The following PPM1B variants were observed in gnomAD, a reference collection of about 807,000 sequenced individuals.
The protein encoded by PPM1B is protein phosphatase 1B.
Under a neutral mutation model 43.0 loss-of-function variants are expected in PPM1B, and 22 were observed. The observed-to-expected ratio is 0.51, with a 90% CI of 0.37 to 0.73. PPM1B has a LOEUF of 0.73. Ranked by LOEUF, PPM1B falls within the 30% of genes least tolerant of loss-of-function variation. The pLI, the probability that PPM1B is intolerant of heterozygous loss-of-function variation, is 0.00. For synonymous variants in PPM1B, 217 were observed against 197.9 expected, an observed-to-expected ratio of 1.10 and a Z score of -0.81; for missense variants, 632 against 584.2, an observed-to-expected ratio of 1.08 and a Z score of -0.84.
chr2:44,206,311 C>G (rs1669186362), intron 2 of PPM1B, among the ~76,000 whole-genome samples: 1 of 152,118 alleles, frequency 6.6e-6, no homozygotes, highest in Non-Finnish European at 1.5e-5. Flanking sequence ...AACAATGGCA[C>G]AAAGGAAAGG....
intron 5 of PPM1B, among the ~76,000 whole-genome samples, chr2:44,228,136 C>G (rs1670305175): frequency 6.7e-6 from 1 of 148,890 alleles, no homozygotes; most frequent in Non-Finnish European, 1.5e-5. Flanking sequence ...CTTGGCCAGG[C>G]TGGTCTTGAA....
At chr2:44,223,903 A>C (rs1181433471) in intron 5 of PPM1B, among the ~76,000 whole-genome samples, 1 of 151,790 alleles carries the variant, frequency 6.6e-6, no homozygotes, top group East Asian at 1.9e-4. Context: ...TATGATTGAC[A>C]TAACACTTAC....
chr2:44,170,722 G>A (rs1029198025), intron 1 of PPM1B, among the ~76,000 whole-genome samples: 1 of 152,218 alleles, frequency 6.6e-6, no homozygotes, highest in Non-Finnish European at 1.5e-5. Context: ...AGTGAGACAA[G>A]TTATTCTAAT....
chr2:44,233,000 C>G (rs1000803456), downstream of PPM1B: 1 of 980,278 alleles, frequency 1.0e-6, no homozygotes, highest in African/African-American at 1.8e-5. Context: ...CATGTATCTA[C>G]TGCATCCTTC....
chr2:44,193,652 T>G (rs2104086666), intron 1 of PPM1B, among the ~76,000 whole-genome samples: 1 of 146,820 alleles, frequency 6.8e-6, no homozygotes, highest in South Asian at 2.2e-4. Flanking sequence ...CGATCTCAGC[T>G]CACTGTAACC....
intron 2 of PPM1B, among the ~76,000 whole-genome samples, chr2:44,202,574 A>G (rs1476264882): frequency 6.6e-6 from 1 of 150,702 alleles, no homozygotes; most frequent in East Asian, 1.9e-4. Context: ...ATCTGGCAAT[A>G]CAATCTAAAA....
downstream of PPM1B, chr2:44,232,405 A>T: frequency 1.9e-6 from 3 of 1,594,922 alleles, no homozygotes; most frequent in Non-Finnish European, 2.6e-6. Flanking sequence ...ACTTTTAATC[A>T]CAATTTTCTT....
At chr2:44,197,639 A>G (rs1204184866) in intron 1 of PPM1B, among the ~76,000 whole-genome samples, 1 of 152,156 alleles carries the variant, frequency 6.6e-6, no homozygotes, top group Non-Finnish European at 1.5e-5. Flanking sequence ...AAGGAAGAAA[A>G]AAGCTTGCGA....
At position 44,230,708 on chromosome 2, in the gene PPM1B, A is replaced by G; in HGVS notation, c.1430A>G (p.Glu477Gly). ...NEDAGTKMSG[E>G]KI ...GATGCAGGGACAAAGATGAGTGGTG[A>G]AAAAATATGACTTTCCTTTTTGGTA... The change falls in exon 6 of 6, where the codon GAA becomes GGA. Residue 477 changes from glutamate to glycine, a missense_variant. Transcript: ENST00000282412. 1.2e-6 allele frequency: 2 copies of G among 1,605,704 alleles called. No homozygotes were observed. The highest frequency in any genetic ancestry group is 1.7e-6 in the Non-Finnish European group (2 of 1,174,018).
intron 5 of PPM1B, among the ~76,000 whole-genome samples, chr2:44,241,857 C>CTTTTTTTTTTTTTTTTTTTCTTTTTTT (rs397984437): frequency 1.1e-5 from 1 of 90,958 alleles, no homozygotes; most frequent in African/African-American, 4.5e-5. Context: ...AGAAAATAAT[C>CTTTTTTTTTTTTTTTTTTTCTTTTTTT]TTTTTTTTTT....
At chr2:44,232,691 T>A, downstream of PPM1B, 1 of 1,040,186 alleles carries the variant, frequency 9.6e-7, no homozygotes. Context: ...GAAAATACAT[T>A]ATGTTTTTTT....
chr2:44,198,153 T>C (rs1030718273), intron 1 of PPM1B, among the ~76,000 whole-genome samples: 3 of 152,030 alleles, frequency 2.0e-5, no homozygotes, highest in African/African-American at 4.8e-5. Context: ...TCTTGAAGTT[T>C]TATGATTTTT....
At chr2:44,190,226 G>A (rs1311317287) in intron 1 of PPM1B, among the ~76,000 whole-genome samples, 1 of 148,268 alleles carries the variant, frequency 6.7e-6, no homozygotes, top group East Asian at 2.0e-4. Context: ...CCCAATCTCA[G>A]CTCACTGCAA....
At position 44,231,131 on chromosome 2, in the gene PPM1B, A is replaced by G; in HGVS notation, c.*413A>G. 1.1e-6 allele frequency: 1 copy of G among 938,956 alleles called. No homozygotes were observed. Among genetic ancestry groups the G allele is most frequent in the Non-Finnish European group, 1.3e-6 (1 of 787,768 alleles). 58.2% of individuals were successfully genotyped at this position (938,956 alleles called of 1,614,324 possible). On this transcript the variant is annotated 3_prime_UTR_variant, in exon 6 of 6. Coordinates refer to ENST00000282412, the MANE Select transcript of PPM1B (RefSeq NM_002706.6). ...TCATAGTTAGCTTTGTAATAAATTT[A>G]TGTTTTCTTTAATAATTTTAGTTCT... is the stretch of plus-strand genomic sequence containing the variant.
At chr2:44,185,528 G>A (rs1044302087) in intron 1 of PPM1B, among the ~76,000 whole-genome samples, 1 of 152,148 alleles carries the variant, frequency 6.6e-6, no homozygotes, top group East Asian at 1.9e-4. Context: ...GAAAGGCTTG[G>A]AGAGGGGTAA....
At chr2:44,235,393 C>G (rs953582041), downstream of PPM1B, among the ~76,000 whole-genome samples, 2 of 152,060 alleles carry the variant, frequency 1.3e-5, no homozygotes, top group Admixed American at 6.6e-5. Context: ...CACCTGAGAT[C>G]GGGAGTTTGA....
At chr2:44,170,074 C>T (rs760536161) in intron 1 of PPM1B, among the ~76,000 whole-genome samples, 1 of 152,126 alleles carries the variant, frequency 6.6e-6, no homozygotes, top group Non-Finnish European at 1.5e-5. Context: ...AAATGAAGGA[C>T]TCAGTGAGTG....
rs866423503 is a variant in PPM1B, at chr2:44,210,255, T to C, written c.964+928T>C. On this transcript the variant is annotated intron_variant, in intron 3 of 5. Transcript: ENST00000282412. ...TTTTTGAGATAGGGTCTTGCTCTGT[T>C]GCCTAGGCTGGAGTACAGTGGCATG... Among the ~76,000 whole-genome samples, 22 of 151,434 alleles carry C rather than the reference T, an allele frequency of 1.5e-4. 1 individual carries two copies. In the South Asian group the frequency reaches 4.2e-3, roughly 29 times the overall value.
chr2:44,239,934 C>T (rs1345622023), intron 5 of PPM1B, among the ~76,000 whole-genome samples: 3 of 148,456 alleles, frequency 2.0e-5, no homozygotes, highest in Non-Finnish European at 4.5e-5. Context: ...AATATCACAT[C>T]ATTTAGATTA....
Sources: allele counts gnomAD v4.1 joint callset (sites outside exome capture counted in the v4.1 genomes callset), GRCh38; gene constraint gnomAD v4.1.1; transcripts MANE v1.5; gene names NCBI Gene and HGNC (gene_info 2026-07-23, HGNC 2026-07-21).